DDX19B: variants seen among roughly 807,000 people sequenced by gnomAD.
DDX19B encodes the protein DEAD-box helicase 19B.
Under a neutral mutation model 58.1 loss-of-function variants are expected in DDX19B, and 27 were observed. The ratio of observed to expected loss-of-function variants is 0.46; its 90% CI spans 0.34 to 0.64. DDX19B has a LOEUF of 0.64. DDX19B is among the 30% of genes least tolerant of loss of function. DDX19B has a pLI of 0.01. For missense variants in DDX19B, 399 were observed against 596.5 expected (o/e 0.67, Z 3.45); for synonymous variants, 187 against 214.4 (o/e 0.87, Z 1.12).
At chr16:70,331,668 C>G in intron 9 of DDX19B, 54 bp from the exon 10 acceptor site, 3 of 1,579,308 alleles carry the variant, frequency 1.9e-6, no homozygotes, top group Non-Finnish European at 2.6e-6. Flanking sequence ...TAGCAGTTGT[C>G]TTCCTTTTGT....
Position 70,330,519 on chromosome 16 carries a change from T to C in DDX19B, c.1023+451T>C, listed in dbSNP as rs1280152364. On this transcript the variant is annotated intron_variant, in intron 9 of 11. Transcript: ENST00000288071. ...AGGAGAATCGCTTGAACCCGGGAGG[T>C]GGAGGTTGCAGTGAGCTGTGATTGC... is the stretch of plus-strand genomic sequence containing the variant. Among the ~76,000 whole-genome samples, 6 of 151,694 alleles carry C rather than the reference T, an allele frequency of 4.0e-5. No homozygotes were observed. The South Asian group carries it at 8.3e-4, about 21-fold the overall frequency.
At chr16:70,324,362 C>CAA (rs57977602) in intron 5 of DDX19B, among the ~76,000 whole-genome samples, 50 of 48,864 alleles carry the variant, frequency 1.0e-3, no homozygotes, top group Admixed American at 1.9e-3. Flanking sequence ...GACCTAATCT[C>CAA]AAAAAAAAAA....
At chr16:70,294,932 G>T, upstream of DDX19B, 1 of 1,514,916 alleles carries the variant, frequency 6.6e-7, no homozygotes, top group Non-Finnish European at 8.8e-7. Flanking sequence ...GTATCTGCGA[G>T]GGTAGAAGCC....
chr16:70,334,791 C>T lies in DDX19B; in HGVS notation c.*1209C>T, dbSNP rs1271077907. The T allele has an allele frequency of 6.6e-6, 1 of 152,204 alleles. No homozygotes were observed. Among genetic ancestry groups the T allele is most frequent in the Admixed American group, 6.5e-5 (1 of 15,274 alleles). 9.4% of individuals were successfully genotyped at this position (152,204 alleles called of 1,614,324 possible). On this transcript the variant is annotated 3_prime_UTR_variant, in exon 12 of 12. Coordinates refer to ENST00000288071, the MANE Select transcript of DDX19B (RefSeq NM_007242.7). ...AGTCAGAGCAAACAATAGTAATGGA[C>T]ACTTCTCACACCTGGCCAAGGCTGT... is the stretch of plus-strand genomic sequence containing the variant.
intron 7 of DDX19B, among the ~76,000 whole-genome samples, chr16:70,326,559 CAG>C (rs1343064759): frequency 6.6e-6 from 1 of 152,190 alleles, no homozygotes; most frequent in African/African-American, 2.4e-5. Flanking sequence ...ATTTTAGAAA[CAG>C]AGTCTTGCTC....
chr16:70,328,307 T>C (rs564998272), intron 7 of DDX19B, among the ~76,000 whole-genome samples: 2 of 151,460 alleles, frequency 1.3e-5, no homozygotes, highest in East Asian at 1.9e-4. Context: ...TGGGAGATAA[T>C]CATTTAAAAT....
intron 3 of DDX19B, among the ~76,000 whole-genome samples, chr16:70,315,222 A>AC (rs1962312873): frequency 8.2e-6 from 1 of 122,612 alleles, no homozygotes; most frequent in Non-Finnish European, 1.5e-5. Context: ...TAAAAATACA[A>AC]AAAAAAAAAA....
intron 2 of DDX19B, 33 bp downstream of exon 2, chr16:70,312,690 G>A (rs1400435755): frequency 1.9e-6 from 3 of 1,574,522 alleles, no homozygotes; most frequent in African/African-American, 2.7e-5. Context: ...GAAAACAAAT[G>A]TGATTTCCTT....
At chr16:70,330,922 G>A (rs1963450589) in intron 9 of DDX19B, among the ~76,000 whole-genome samples, 1 of 152,016 alleles carries the variant, frequency 6.6e-6, no homozygotes, top group South Asian at 2.1e-4. Context: ...GTGCATGCCT[G>A]TGGTCCCAGC....
intron 11 of DDX19B, 93 bp downstream of exon 11, chr16:70,333,252 C>T (rs544851604): frequency 2.8e-5 from 20 of 703,514 alleles, no homozygotes; most frequent in Middle Eastern, 4.0e-4. Flanking sequence ...CCAAGAGAGG[C>T]TCTGTCCCTA....
At position 70,299,286 on chromosome 16, in the gene DDX19B, G is replaced by C; in HGVS notation, c.-12G>C. ...ATCCACCAGCACGAGCGTCCCACCC[G>C]CGCCTGGGACCATGGCCACTGACTC... On this transcript the variant is annotated 5_prime_UTR_variant, in exon 1 of 12. Coordinates refer to ENST00000288071, the MANE Select transcript of DDX19B (RefSeq NM_007242.7). 3 of 1,575,232 alleles carry C rather than the reference G, an allele frequency of 1.9e-6. No homozygotes were observed. Among genetic ancestry groups the C allele is most frequent in the Non-Finnish European group, 2.6e-6 (3 of 1,164,042 alleles).
intron 5 of DDX19B, among the ~76,000 whole-genome samples, chr16:70,322,627 C>T (rs1962902197): frequency 6.7e-6 from 1 of 148,222 alleles, no homozygotes; most frequent in Non-Finnish European, 1.5e-5. Flanking sequence ...GGCGTGGTGG[C>T]TCACGACTGT....
At chr16:70,327,003 T>G (rs924133494) in intron 7 of DDX19B, among the ~76,000 whole-genome samples, 1 of 151,684 alleles carries the variant, frequency 6.6e-6, no homozygotes, top group Non-Finnish European at 1.5e-5. Context: ...CCCAGCTAAT[T>G]TTTTGTATTT....
chr16:70,328,470 CT>C (rs1963299376), intron 7 of DDX19B, among the ~76,000 whole-genome samples: 1 of 147,578 alleles, frequency 6.8e-6, no homozygotes, highest in Non-Finnish European at 1.5e-5. Context: ...TCAAGCGATT[CT>C]CCTGCCCCAG....
chr16:70,330,535 C>T (rs1963430209), intron 9 of DDX19B, among the ~76,000 whole-genome samples: 1 of 152,104 alleles, frequency 6.6e-6, no homozygotes, highest in Admixed American at 6.6e-5. Context: ...TTGCAGTGAG[C>T]TGTGATTGCT....
upstream of DDX19B, chr16:70,299,168 G>T: frequency 7.3e-7 from 1 of 1,378,364 alleles, no homozygotes. Flanking sequence ...CGTCACTGTG[G>T]CGCGCCGCTT....
rs1427881103 is a variant in DDX19B at position 70,306,065 on chromosome 16, T to G, written c.58-6544T>G. On this transcript the variant is annotated intron_variant, in intron 1 of 11. Transcript: ENST00000288071. ...GGCATGACCCACAGCACCCGGCCTG[T>G]TTTTTTTATTTTTTAGTTCTGAGAG... 3.9e-5 allele frequency among the ~76,000 whole-genome samples: 6 copies of G among 151,908 alleles called. No homozygotes were observed. In the South Asian group the frequency reaches 1.2e-3, roughly 32 times the overall value.
At chr16:70,299,683 G>A (rs1358665342) in intron 1 of DDX19B, among the ~76,000 whole-genome samples, 1 of 152,168 alleles carries the variant, frequency 6.6e-6, no homozygotes, top group African/African-American at 2.4e-5. Context: ...GCCCAGGCTA[G>A]TCTGGAACTC....
At chr16:70,293,773 G>A (rs1335658463), upstream of DDX19B, among the ~76,000 whole-genome samples, 3 of 148,492 alleles carry the variant, frequency 2.0e-5, no homozygotes, top group Non-Finnish European at 4.5e-5. Context: ...CACCGTGCCC[G>A]GCTAATTTTT....
Sources: gnomAD v4.1 joint callset for allele counts (sites outside exome capture counted in the v4.1 genomes callset) on GRCh38, gnomAD v4.1.1 for gene constraint, MANE v1.5 for transcripts, NCBI Gene and HGNC (gene_info 2026-07-23, HGNC 2026-07-21) for gene names.